Variants in GPX7 observed in about 807,000 individuals in gnomAD.
GPX7 encodes the protein protein peroxidase GPX7.
In GPX7, 21 loss-of-function variants were observed where a neutral mutation model predicts 23.7. The observed-to-expected ratio is 0.89, with a 90% CI of 0.63 to 1.28. GPX7 has a LOEUF of 1.28. Among genes scored for constraint, GPX7 ranks in the 50% most tolerant of loss-of-function variants. The probability of loss-of-function intolerance (pLI) is 0.00; values close to 1 mark genes in which losing one functional copy is unlikely to be tolerated. For missense variants in GPX7, 238 were observed against 237.3 expected, an observed-to-expected ratio of 1.00 and a Z score of -0.02; for synonymous variants, 112 against 101.8, an observed-to-expected ratio of 1.10 and a Z score of -0.61.
chr1:52,604,661 A>T (rs1690835585), intron 1 of GPX7, among the ~76,000 whole-genome samples: 2 of 152,100 alleles, frequency 1.3e-5, no homozygotes, highest in Admixed American at 1.3e-4. Flanking sequence ...GTTTCTAAGG[A>T]CCAAGCTTTT....
Sources: allele counts gnomAD v4.1 joint callset (sites outside exome capture counted in the v4.1 genomes callset), GRCh38; gene constraint gnomAD v4.1.1; transcripts MANE v1.5; gene names NCBI Gene and HGNC (gene_info 2026-07-23, HGNC 2026-07-21).